The following AGPAT3 variants were observed in gnomAD, a reference collection of about 807,000 sequenced individuals.
The protein encoded by AGPAT3 is 1-acyl-sn-glycerol-3-phosphate acyltransferase gamma.
In AGPAT3, 5 loss-of-function variants were observed where a neutral mutation model predicts 47.3. The observed-to-expected ratio is 0.11, with a 90% CI of 0.06 to 0.22. The LOEUF (loss-of-function observed/expected upper bound fraction) is 0.22. Ranked by LOEUF, AGPAT3 falls within the 10% of genes least tolerant of loss-of-function variation. The pLI, the probability that AGPAT3 is intolerant of heterozygous loss-of-function variation, is 1.00. For synonymous variants in AGPAT3, 212 were observed against 208.3 expected, an observed-to-expected ratio of 1.02 and a Z score of -0.15; for missense variants, 315 against 493.0, an observed-to-expected ratio of 0.64 and a Z score of 3.42.
chr21:43,919,294 G>A (rs972295536), intron 2 of AGPAT3, among the ~76,000 whole-genome samples: 2 of 151,886 alleles, frequency 1.3e-5, no homozygotes, highest in Admixed American at 1.3e-4. Context: ...ACCCAATATA[G>A]AGTCTCTATC....
chr21:43,947,835 G>T (rs1432166627), intron 2 of AGPAT3, among the ~76,000 whole-genome samples: 1 of 152,000 alleles, frequency 6.6e-6, no homozygotes, highest in Non-Finnish European at 1.5e-5. Context: ...AGTAGAGACG[G>T]GGTTTCACCA....
At chr21:43,956,598 A>C (rs890201913) in intron 2 of AGPAT3, among the ~76,000 whole-genome samples, 11 of 152,238 alleles carry the variant, frequency 7.2e-5, no homozygotes, top group Non-Finnish European at 4.4e-5. Context: ...ATCAGCCCAC[A>C]GTGTGGGGGC....
chr21:43,978,001 G>GTGAA, intron 7 of AGPAT3, 45 bp from the exon 8 acceptor site: 1 of 1,528,098 alleles, frequency 6.5e-7, no homozygotes, highest in Non-Finnish European at 9.0e-7. Context: ...CTAGTGTGAG[G>GTGAA]TCATGTGGTG....
At chr21:43,976,839 C>T (rs570910182) in intron 7 of AGPAT3, among the ~76,000 whole-genome samples, 2 of 152,194 alleles carry the variant, frequency 1.3e-5, no homozygotes, top group Non-Finnish European at 1.5e-5. Context: ...GGCTCAGTGA[C>T]GGGCGCTGTG....
At position 43,968,198 on chromosome 21, in the gene AGPAT3, C is replaced by T. The variant is rs539865431; in HGVS notation, c.348+83C>T. On this transcript the variant is annotated intron_variant, in intron 4 of 9. Coordinates refer to ENST00000291572, the MANE Select transcript of AGPAT3 (RefSeq NM_020132.5). ...GGGTGAGCGGGGACCCAGGGAGGGC[C>T]GGGGTGAGCAGGGGGTCCCTGCAGG... is the stretch of plus-strand genomic sequence containing the variant. 9.0e-4 allele frequency: 530 copies of T among 591,804 alleles called. 3 individuals carry two copies. The highest frequency in any genetic ancestry group is 5.4e-3 in the Middle Eastern group (12 of 2,208). 36.7% of individuals were successfully genotyped at this position (591,804 alleles called of 1,614,324 possible).
In AGPAT3 at chr21:43,934,247, G is replaced by A. The variant is rs2087358528; in HGVS notation, c.-48-25387G>A. On this transcript the variant is annotated intron_variant, in intron 2 of 9. Coordinates refer to ENST00000291572, the MANE Select transcript of AGPAT3 (RefSeq NM_020132.5). The surrounding 1 kb of genome is among the most constrained non-coding windows in gnomAD (Gnocchi z 4.7). ...CTCCCTGAGCACGCCAGCCCCCCAAGGACCAGCTCCCACACACCAGCCCTC... is the reference window on the plus strand; with the variant it reads ...CTCCCTGAGCACGCCAGCCCCCCAAAGACCAGCTCCCACACACCAGCCCTC... Among the ~76,000 whole-genome samples the A allele has an allele frequency of 6.6e-6, 1 of 152,206 alleles. No homozygotes were observed. Among genetic ancestry groups the A allele is most frequent in the African/African-American group, 2.4e-5 (1 of 41,460 alleles).
intron 1 of AGPAT3, among the ~76,000 whole-genome samples, chr21:43,901,955 G>A (rs758633614): frequency 2.6e-5 from 4 of 152,168 alleles, no homozygotes; most frequent in Non-Finnish European, 5.9e-5. Flanking sequence ...CATATCGAGA[G>A]TAACATATGA....
chr21:43,881,920 G>A (rs1166041345), intron 1 of AGPAT3, among the ~76,000 whole-genome samples: 1 of 152,256 alleles, frequency 6.6e-6, no homozygotes, highest in Non-Finnish European at 1.5e-5. Context: ...GCCTCCCAAA[G>A]TGCTGGGATT....
At chr21:43,950,409 G>A (rs2088134490) in intron 2 of AGPAT3, among the ~76,000 whole-genome samples, 1 of 152,208 alleles carries the variant, frequency 6.6e-6, no homozygotes, top group South Asian at 2.1e-4. Flanking sequence ...AAGAGGTAAG[G>A]TGGTCTCTGT....
intron 1 of AGPAT3, among the ~76,000 whole-genome samples, chr21:43,884,715 C>T (rs1202511125): frequency 3.3e-5 from 5 of 149,538 alleles, no homozygotes; most frequent in Non-Finnish European, 7.4e-5. Flanking sequence ...ATGCTGGGTG[C>T]TGGGTGGTCT....
At chr21:43,866,983 G>T (rs539341578) in intron 1 of AGPAT3, among the ~76,000 whole-genome samples, 1 of 152,370 alleles carries the variant, frequency 6.6e-6, no homozygotes, top group South Asian at 2.1e-4. Flanking sequence ...CCCCAGGCTG[G>T]GGCCCCAGTG....
intron 1 of AGPAT3, among the ~76,000 whole-genome samples, chr21:43,893,457 G>A (rs2086144832): frequency 6.6e-6 from 1 of 152,228 alleles, no homozygotes; most frequent in African/African-American, 2.4e-5. Context: ...TCATTTGTGT[G>A]TTTACCTAAG....
rs890665290 is a variant in AGPAT3, at chr21:43,955,259, A to G, written c.-48-4375A>G. On this transcript the variant is annotated intron_variant, in intron 2 of 9. Transcript: ENST00000291572. This position sits in a 1 kb window ranked among gnomAD's most constrained non-coding sequence, Gnocchi z 4.1. The stretch of plus-strand genomic sequence containing the variant: ...CTAGAAAAGGTAAATTAACCTATAG[A>G]GCTGGAAAGCTGACCTGCATTGTCA... The G allele has an allele frequency of 5.1e-6, 6 of 1,181,540 alleles. No homozygotes were observed. The highest frequency in any genetic ancestry group is 3.2e-5 in the African/African-American group (2 of 62,702). 73.2% of individuals were successfully genotyped at this position (1,181,540 alleles called of 1,614,324 possible). A position where few individuals can be genotyped will look rare whatever the true frequency, so the allele number is the denominator to read the frequency against.
intron 1 of AGPAT3, among the ~76,000 whole-genome samples, chr21:43,891,562 G>A (rs2086103111): frequency 6.6e-6 from 1 of 152,156 alleles, no homozygotes; most frequent in South Asian, 2.1e-4. Flanking sequence ...GAACCCGGGA[G>A]GTGGAGTTTG....
intron 7 of AGPAT3, among the ~76,000 whole-genome samples, chr21:43,977,610 G>T (rs2089666238): frequency 6.6e-6 from 1 of 152,238 alleles, no homozygotes; most frequent in Non-Finnish European, 1.5e-5. Flanking sequence ...GGGCGCAGTG[G>T]CTCACGCCTG....
Position 43,984,129 on chromosome 21 carries a change from TGAGACCAACGACACCATGC to T in AGPAT3, c.*1743_*1761del, listed in dbSNP as rs1325360585. ...GAAGGGGCAGACCAACGAAACCAGA[TGAGACCAACGACACCATGC>T]GAGACACGCTTGCAGACACTGTTGT... On this transcript the variant is annotated 3_prime_UTR_variant, in exon 10 of 10. Coordinates refer to ENST00000291572, the MANE Select transcript of AGPAT3 (RefSeq NM_020132.5). 1 of 152,404 alleles carries T rather than the reference TGAGACCAACGACACCATGC, an allele frequency of 6.6e-6. No individual in the cohort carries two copies. Among genetic ancestry groups the T allele is most frequent in the South Asian group, 2.1e-4 (1 of 4,826 alleles). 9.4% of individuals were successfully genotyped at this position (152,404 alleles called of 1,614,324 possible).
chr21:43,961,319 C>T (rs1005611375), intron 3 of AGPAT3, among the ~76,000 whole-genome samples: 4 of 152,150 alleles, frequency 2.6e-5, no homozygotes, highest in East Asian at 3.9e-4. Flanking sequence ...AAACGGTGAG[C>T]GCATAGACAC....
rs563088571 is a variant in AGPAT3 at position 43,934,233 on chromosome 21, C to T, written c.-48-25401C>T. On this transcript the variant is annotated intron_variant, in intron 2 of 9. Coordinates refer to ENST00000291572, the MANE Select transcript of AGPAT3 (RefSeq NM_020132.5). The surrounding 1 kb of genome is among the most constrained non-coding windows in gnomAD (Gnocchi z 4.7). The stretch of plus-strand genomic sequence containing the variant: ...CCCCTGAGAACCAGCTCCCTGAGCA[C>T]GCCAGCCCCCCAAGGACCAGCTCCC... 5.3e-5 allele frequency among the ~76,000 whole-genome samples: 8 copies of T among 152,372 alleles called. No individual in the cohort carries two copies. The highest frequency in any genetic ancestry group is 2.1e-4 in the South Asian group (1 of 4,834).
At chr21:43,903,879 G>A (rs1188919487) in intron 1 of AGPAT3, 78 bp from the exon 2 acceptor site, 1 of 152,302 alleles carries the variant, frequency 6.6e-6, no homozygotes, top group African/African-American at 2.4e-5. Context: ...GGGTTTTGAA[G>A]TGGATGCATA....
Sources: gnomAD v4.1 joint callset for allele counts (sites outside exome capture counted in the v4.1 genomes callset) on GRCh38, gnomAD v4.1.1 for gene constraint, Gnocchi (gnomAD v3.1) non-coding constraint, MANE v1.5 for transcripts, NCBI Gene and HGNC (gene_info 2026-07-23, HGNC 2026-07-21) for gene names.